LCOR: variants seen among roughly 807,000 people sequenced by gnomAD.
LCOR encodes ligand-dependent corepressor.
A neutral mutation model predicts 64.4 loss-of-function variants in LCOR; 14 were observed. That is an observed-to-expected ratio of 0.22 (90% CI 0.14 to 0.34). The LOEUF (loss-of-function observed/expected upper bound fraction) is 0.34, where lower values mean the gene tolerates loss of function less well. Among genes scored for constraint, LCOR ranks in the 10% least tolerant of loss-of-function variants. The probability of loss-of-function intolerance (pLI) is 1.00; values close to 1 mark genes in which losing one functional copy is unlikely to be tolerated. For synonymous variants in LCOR, 643 were observed against 642.5 expected (o/e 1.00, Z -0.01); for missense variants, 1,686 against 1,765.3 (o/e 0.96, Z 0.80).
intron 7 of LCOR, among the ~76,000 whole-genome samples, chr10:96,980,049 TAGG>T (rs982854622): frequency 4.6e-5 from 7 of 151,886 alleles, no homozygotes; most frequent in African/African-American, 1.7e-4. Context: ...GAGGCTGAGG[TAGG>T]AGAATTGCTT....
chr10:96,841,162 A>T (rs930943113), intron 2 of LCOR, among the ~76,000 whole-genome samples: 1 of 152,194 alleles, frequency 6.6e-6, no homozygotes, highest in African/African-American at 2.4e-5. Flanking sequence ...AGAGAAGTTC[A>T]TCACAGTTGT....
intron 4 of LCOR, among the ~76,000 whole-genome samples, chr10:96,918,501 G>T (rs942524445): frequency 4.0e-4 from 61 of 152,144 alleles, no homozygotes; most frequent in Non-Finnish European, 7.6e-4. Context: ...TGAAAGGAAT[G>T]ATGAAAACAG....
chr10:96,986,693 A>T lies in LCOR; in HGVS notation c.*1559A>T, dbSNP rs374953248. Reference sequence around the variant, plus strand: ...AGTGCAGCGTGTACTTGACTTTTCCATTGGGCCGCTCTACAAAAAAAGGCT... The same window carrying T: ...AGTGCAGCGTGTACTTGACTTTTCCTTTGGGCCGCTCTACAAAAAAAGGCT... On this transcript the variant is annotated 3_prime_UTR_variant, in exon 8 of 8. Transcript: ENST00000421806. The T allele has an allele frequency of 1.4e-4, 22 of 152,122 alleles. No individual in the cohort carries two copies. In the East Asian group the frequency reaches 2.7e-3, roughly 19 times the overall value. The allele number at this position is 152,122 out of a possible 1,614,324, so 9.4% of individuals were successfully genotyped here. A position where few individuals can be genotyped will look rare whatever the true frequency, so the allele number is the denominator to read the frequency against.
At chr10:96,952,893 G>A (rs546439104) in intron 7 of LCOR, among the ~76,000 whole-genome samples, 1 of 152,226 alleles carries the variant, frequency 6.6e-6, no homozygotes, top group East Asian at 1.9e-4. Flanking sequence ...ATAAAACTGT[G>A]TGACAAAAAA....
intron 4 of LCOR, among the ~76,000 whole-genome samples, chr10:96,935,139 CTTTTTTTTTTTTTTTT>C (rs34176037): frequency 4.6e-5 from 3 of 65,544 alleles, no homozygotes; most frequent in African/African-American, 1.9e-4. Context: ...GGCTATTTTA[CTTTTTTTTTTTTTTTT>C]TTTTTTTTTT....
At chr10:96,841,860 A>G (rs994250132) in intron 2 of LCOR, among the ~76,000 whole-genome samples, 2 of 151,782 alleles carry the variant, frequency 1.3e-5, no homozygotes, top group African/African-American at 4.8e-5. Context: ...TCAACGTCCC[A>G]AAGTGCTGGG....
intron 2 of LCOR, among the ~76,000 whole-genome samples, chr10:96,889,512 C>T (rs1846403397): frequency 6.6e-6 from 1 of 152,210 alleles, no homozygotes; most frequent in Non-Finnish European, 1.5e-5. Flanking sequence ...TCTCTGTGCT[C>T]ATGCAGGGAG....
At chr10:96,840,700 A>T (rs1845524958) in intron 2 of LCOR, among the ~76,000 whole-genome samples, 1 of 152,238 alleles carries the variant, frequency 6.6e-6, no homozygotes, top group Non-Finnish European at 1.5e-5. Flanking sequence ...GTCTAAAGGG[A>T]CTTTTCTTTA....
At chr10:96,878,992 T>C (rs902936927) in intron 2 of LCOR, among the ~76,000 whole-genome samples, 1 of 152,008 alleles carries the variant, frequency 6.6e-6, no homozygotes, top group Non-Finnish European at 1.5e-5. Flanking sequence ...GACAGGGTCT[T>C]GCCATGTTGC....
At chr10:96,928,603 G>C (rs1183601539) in intron 4 of LCOR, among the ~76,000 whole-genome samples, 2 of 151,980 alleles carry the variant, frequency 1.3e-5, no homozygotes, top group African/African-American at 4.8e-5. Context: ...GTTTGAATCA[G>C]CTTCTTCAAA....
chr10:96,837,995 A>G (rs1845476139), intron 2 of LCOR, among the ~76,000 whole-genome samples: 1 of 152,258 alleles, frequency 6.6e-6, no homozygotes, highest in Non-Finnish European at 1.5e-5. Flanking sequence ...AAAACTCAAC[A>G]TCACTACTGT....
chr10:96,883,335 G>C (rs1020839395), intron 2 of LCOR, among the ~76,000 whole-genome samples: 1 of 152,182 alleles, frequency 6.6e-6, no homozygotes, highest in Non-Finnish European at 1.5e-5. Flanking sequence ...CCCAGCCTGT[G>C]TGCAGGTTTT....
intron 2 of LCOR, among the ~76,000 whole-genome samples, chr10:96,891,805 A>T (rs1280973304): frequency 6.6e-6 from 1 of 151,952 alleles, no homozygotes; most frequent in African/African-American, 2.4e-5. Flanking sequence ...GGCCTCCCAT[A>T]GTGCTGGGAT....
In LCOR at chr10:96,992,252, A is replaced by G. The variant is rs1848207099; in HGVS notation, c.*7118A>G. ...TCAAATACATATATATAATATTTAT[A>G]CACACCACTGTGGAATTTATTTCAC... is the stretch of plus-strand genomic sequence containing the variant. On this transcript the variant is annotated 3_prime_UTR_variant, in exon 8 of 8. Coordinates refer to ENST00000421806, the MANE Select transcript of LCOR (RefSeq NM_001346516.2). The G allele has an allele frequency of 6.6e-6, 1 of 152,254 alleles. No individual in the cohort carries two copies. The allele number at this position is 152,254 out of a possible 1,614,324, so 9.4% of individuals were successfully genotyped here.
At chr10:96,944,920 C>G (rs1847560987) in intron 5 of LCOR, among the ~76,000 whole-genome samples, 2 of 152,092 alleles carry the variant, frequency 1.3e-5, no homozygotes, top group Non-Finnish European at 2.9e-5. Flanking sequence ...TAGAGGCATT[C>G]AGGTTTATTC....
chr10:96,840,324 C>T (rs531591303), intron 2 of LCOR, among the ~76,000 whole-genome samples: 1 of 152,252 alleles, frequency 6.6e-6, no homozygotes, highest in South Asian at 2.1e-4. Context: ...ATCACTTAAT[C>T]ATTTTTCTGA....
At chr10:96,966,627 AAGTGTT>A (rs1388584837) in intron 7 of LCOR, among the ~76,000 whole-genome samples, 2 of 152,188 alleles carry the variant, frequency 1.3e-5, no homozygotes, top group Non-Finnish European at 2.9e-5. Context: ...TTTTAATAGA[AAGTGTT>A]AAGTAATATA....
At chr10:96,845,144 T>TG (rs967085785) in intron 2 of LCOR, among the ~76,000 whole-genome samples, 3 of 152,012 alleles carry the variant, frequency 2.0e-5, no homozygotes, top group African/African-American at 7.2e-5. Flanking sequence ...AAAATCAACT[T>TG]AAAAAAAGAT....
intron 2 of LCOR, among the ~76,000 whole-genome samples, chr10:96,879,072 A>G (rs1394245424): frequency 2.0e-5 from 3 of 152,222 alleles, no homozygotes; most frequent in Non-Finnish European, 4.4e-5. Flanking sequence ...CTGGGATTAC[A>G]GTCTTGAGCC....
Sources: gnomAD v4.1 joint callset for allele counts (sites outside exome capture counted in the v4.1 genomes callset) on GRCh38, gnomAD v4.1.1 for gene constraint, MANE v1.5 for transcripts, NCBI Gene and HGNC (gene_info 2026-07-23, HGNC 2026-07-21) for gene names.